BTG3: variants seen among roughly 807,000 people sequenced by gnomAD.
BTG3 encodes the protein protein BTG3.
BTG3 carries 4 observed loss-of-function variants against 25.8 expected under a neutral mutation model. That is an observed-to-expected ratio of 0.16 (90% CI 0.08 to 0.36). The LOEUF (loss-of-function observed/expected upper bound fraction) is 0.36. BTG3 is among the 10% of genes least tolerant of loss of function. The probability of loss-of-function intolerance (pLI) is 1.00; values close to 1 mark genes in which losing one functional copy is unlikely to be tolerated. For missense variants in BTG3, 201 were observed against 304.9 expected, an observed-to-expected ratio of 0.66 and a Z score of 2.54; for synonymous variants, 107 against 99.9, an observed-to-expected ratio of 1.07 and a Z score of -0.42.
intron 1 of BTG3, among the ~76,000 whole-genome samples, chr21:17,610,311 T>C (rs9974720): frequency 0.49 from 74,924 of 152,018 alleles, 20,022 homozygotes; most frequent in African/African-American, 0.71. Context: ...TTTAAATGGG[T>C]GAATTGCATG....
intron 3 of BTG3, among the ~76,000 whole-genome samples, chr21:17,599,372 G>A (rs543386474): frequency 5.3e-4 from 81 of 151,884 alleles, no homozygotes; most frequent in African/African-American, 1.9e-3. Context: ...TAGAGACAGG[G>A]TTTCACCATG....
intron 1 of BTG3, 140 bp from the exon 2 acceptor site, chr21:17,609,292 G>A (rs2061686741): frequency 5.0e-6 from 4 of 799,222 alleles, no homozygotes; most frequent in Non-Finnish European, 7.6e-6. Context: ...TATATCTGAA[G>A]TAGAGAACAA....
intron 3 of BTG3, 83 bp from the exon 4 acceptor site, chr21:17,598,907 C>T (rs1420160507): frequency 1.9e-6 from 2 of 1,066,540 alleles, no homozygotes; most frequent in Non-Finnish European, 2.7e-6. Flanking sequence ...GAGATCTGGA[C>T]ATGCCATCAA....
At chr21:17,610,485 G>A (rs1052218932) in intron 1 of BTG3, among the ~76,000 whole-genome samples, 12 of 152,124 alleles carry the variant, frequency 7.9e-5, no homozygotes, top group African/African-American at 2.4e-4. Flanking sequence ...CAGGTCACCC[G>A]CAGAAAAACA....
chr21:17,611,149 T>C (rs538196985), intron 1 of BTG3, among the ~76,000 whole-genome samples: 1 of 152,310 alleles, frequency 6.6e-6, no homozygotes, highest in East Asian at 1.9e-4. Flanking sequence ...ATTTCCACTT[T>C]GTAAAGCTAC....
chr21:17,598,093 T>A (rs1018407330), intron 4 of BTG3, among the ~76,000 whole-genome samples: 3 of 152,166 alleles, frequency 2.0e-5, no homozygotes, highest in Non-Finnish European at 4.4e-5. Flanking sequence ...TATGTAGATA[T>A]AAATAGTAAA....
At chr21:17,600,726 T>A (rs2061561678) in intron 3 of BTG3, among the ~76,000 whole-genome samples, 2 of 152,128 alleles carry the variant, frequency 1.3e-5, no homozygotes. Context: ...AATCTAGCAG[T>A]CTCAGAGATC....
intron 4 of BTG3, 59 bp downstream of exon 4, chr21:17,598,558 C>G (rs541597689): frequency 6.9e-7 from 1 of 1,452,234 alleles, no homozygotes; most frequent in South Asian, 1.2e-5. Flanking sequence ...GTAGGACTAC[C>G]TGAAAGGTCC....
intron 1 of BTG3, 40 bp downstream of exon 1, chr21:17,612,659 G>GACCT (rs1276721019): frequency 1.3e-5 from 2 of 152,366 alleles, no homozygotes; most frequent in Non-Finnish European, 2.9e-5. Context: ...GATACCCACA[G>GACCT]CCCCGCCATG....
At chr21:17,608,385 AC>A (rs1244504121) in intron 2 of BTG3, among the ~76,000 whole-genome samples, 2 of 150,722 alleles carry the variant, frequency 1.3e-5, no homozygotes, top group Middle Eastern at 3.2e-3. Context: ...AAAAAAAAAA[AC>A]TCCCAGAAAA....
At chr21:17,606,681 T>G (rs1048589606) in intron 2 of BTG3, among the ~76,000 whole-genome samples, 2 of 152,118 alleles carry the variant, frequency 1.3e-5, no homozygotes, top group African/African-American at 4.8e-5. Context: ...TGTTTTGTAC[T>G]ATTTTTTTTC....
intron 1 of BTG3, 137 bp from the exon 2 acceptor site, chr21:17,609,289 G>C (rs1213237239): frequency 1.2e-6 from 1 of 813,204 alleles, no homozygotes; most frequent in African/African-American, 1.7e-5. Flanking sequence ...GCTTATATCT[G>C]AAGTAGAGAA....
At chr21:17,604,460 G>C (rs1298680982) in intron 3 of BTG3, among the ~76,000 whole-genome samples, 1 of 152,054 alleles carries the variant, frequency 6.6e-6, no homozygotes, top group Non-Finnish European at 1.5e-5. Flanking sequence ...AAAAAGAGGA[G>C]AGAGGGAGAA....
chr21:17,598,559 T>C, intron 4 of BTG3, 58 bp downstream of exon 4: 1 of 1,465,968 alleles, frequency 6.8e-7, no homozygotes, highest in African/African-American at 1.4e-5. Context: ...TAGGACTACC[T>C]GAAAGGTCCT....
chr21:17,609,648 C>T (rs1467079670), intron 1 of BTG3, among the ~76,000 whole-genome samples: 2 of 152,208 alleles, frequency 1.3e-5, no homozygotes, highest in African/African-American at 4.8e-5. Flanking sequence ...TCATATGACA[C>T]GGCCAATTCT....
chr21:17,595,654 T>C (rs1038432263), intron 4 of BTG3, among the ~76,000 whole-genome samples: 1 of 151,982 alleles, frequency 6.6e-6, no homozygotes, highest in Non-Finnish European at 1.5e-5. Context: ...CTCCTAGTAA[T>C]GGGACATTGA....
At chr21:17,607,191 T>C (rs1367748334) in intron 2 of BTG3, among the ~76,000 whole-genome samples, 2 of 152,166 alleles carry the variant, frequency 1.3e-5, no homozygotes, top group African/African-American at 4.8e-5. Flanking sequence ...TTTTCTCAAG[T>C]TTTTAGAATT....
chr21:17,599,435 T>C (rs907008603), intron 3 of BTG3, among the ~76,000 whole-genome samples: 1 of 150,746 alleles, frequency 6.6e-6, no homozygotes, highest in African/African-American at 2.4e-5. Context: ...CCACTTCAGC[T>C]ACCCAAAGTG....
In BTG3 at chr21:17,604,177, C is replaced by G. The variant is rs769222985; in HGVS notation, c.311+683G>C. The G allele has an allele frequency of 2.4e-6, 3 of 1,263,990 alleles. No individual in the cohort carries two copies. The South Asian group carries it at 4.0e-5, about 17-fold the overall frequency. The allele number at this position is 1,263,990 out of a possible 1,614,324, so 78.3% of individuals were successfully genotyped here. The stretch of plus-strand genomic sequence containing the variant: ...AAAAGGAGGAGGCCGGGCGCAGTGG[C>G]TCACGCCTGTAATCCAGCGCTTTGG... On this transcript the variant is annotated intron_variant, in intron 3 of 4. Transcript: ENST00000348354.
Sources: allele counts gnomAD v4.1 joint callset (sites outside exome capture counted in the v4.1 genomes callset), GRCh38; gene constraint gnomAD v4.1.1; transcripts MANE v1.5; gene names NCBI Gene and HGNC (gene_info 2026-07-23, HGNC 2026-07-21).